The following STRBP variants were observed in gnomAD, a reference collection of about 807,000 sequenced individuals.
STRBP encodes spermatid perinuclear RNA binding protein, also known as spermatid perinuclear RNA-binding protein.
A neutral mutation model predicts 80.1 loss-of-function variants in STRBP; 13 were observed. The ratio of observed to expected loss-of-function variants is 0.16; its 90% CI spans 0.11 to 0.26. The LOEUF (loss-of-function observed/expected upper bound fraction) is 0.26, where lower values mean the gene tolerates loss of function less well. STRBP is among the 10% of genes least tolerant of loss of function. STRBP has a pLI of 1.00. For missense variants in STRBP, 485 were observed against 815.2 expected (o/e 0.59, Z 4.93); for synonymous variants, 284 against 291.2 (o/e 0.98, Z 0.25).
chr9:123,252,832 T>C (rs1466520018), intron 1 of STRBP, among the ~76,000 whole-genome samples: 2 of 152,202 alleles, frequency 1.3e-5, no homozygotes, highest in Admixed American at 6.5e-5. Flanking sequence ...TTTAACATAT[T>C]ACCCCAGGGC....
At chr9:123,267,230 G>A (rs892471983) in intron 1 of STRBP, among the ~76,000 whole-genome samples, 1 of 134,444 alleles carries the variant, frequency 7.4e-6, no homozygotes, top group Non-Finnish European at 1.6e-5. Flanking sequence ...CTCACCCTCC[G>A]TCCTACCTCA....
At position 123,256,102 on chromosome 9, in the gene STRBP, C is replaced by T. The variant is rs568063302; in HGVS notation, c.-302+12334G>A. Among the ~76,000 whole-genome samples, 35 of 139,894 alleles carry T rather than the reference C, an allele frequency of 2.5e-4. 1 individual carries two copies. In the South Asian group the frequency reaches 7.8e-3, roughly 31 times the overall value. 91.8% of individuals were successfully genotyped at this position (139,894 alleles called of 152,430 possible). ...GCAGTGGCATGATCATAGCTCACTACGGCTTTAACCTCTTGGGTTCAAGCA... is the reference window on the plus strand; with the variant it reads ...GCAGTGGCATGATCATAGCTCACTATGGCTTTAACCTCTTGGGTTCAAGCA... On this transcript the variant is annotated intron_variant, in intron 1 of 18. Coordinates refer to ENST00000348403, the MANE Select transcript of STRBP (RefSeq NM_018387.5).
intron 1 of STRBP, among the ~76,000 whole-genome samples, chr9:123,258,536 G>T (rs577301058): frequency 6.6e-6 from 1 of 152,216 alleles, no homozygotes; most frequent in Non-Finnish European, 1.5e-5. Context: ...AGGCGTGGTG[G>T]CTCACGCCTG....
chr9:123,189,088 A>T (rs909217215), intron 2 of STRBP, among the ~76,000 whole-genome samples: 1 of 152,212 alleles, frequency 6.6e-6, no homozygotes, highest in African/African-American at 2.4e-5. Context: ...GACTGGATTA[A>T]GAAAATGTGG....
rs1171693628 is a variant in STRBP, at chr9:123,123,044, T to A, written c.*2553A>T. ...CAGAGTGGAGTGTCTGAAAGCTGGA[T>A]AGCCTCAGGGTGTCACATTGCTCTT... On this transcript the variant is annotated 3_prime_UTR_variant, in exon 19 of 19. Transcript: ENST00000348403. 1.2e-5 allele frequency: 12 copies of A among 985,320 alleles called. No individual in the cohort carries two copies. Among genetic ancestry groups the A allele is most frequent in the Non-Finnish European group, 1.3e-5 (11 of 829,948 alleles). The allele number at this position is 985,320 out of a possible 1,614,324, so 61.0% of individuals were successfully genotyped here.
chr9:123,148,627 T>C (rs1188505735), intron 11 of STRBP, among the ~76,000 whole-genome samples: 1 of 152,248 alleles, frequency 6.6e-6, no homozygotes, highest in Non-Finnish European at 1.5e-5. Context: ...CGTTACATCT[T>C]ATACTTTTAG....
intron 11 of STRBP, among the ~76,000 whole-genome samples, chr9:123,157,126 G>C (rs1406140172): frequency 6.6e-6 from 1 of 152,138 alleles, no homozygotes; most frequent in Non-Finnish European, 1.5e-5. Context: ...TTGGAACCCA[G>C]GTCATACTGA....
At chr9:123,165,175 GGA>G (rs1305188801) in intron 6 of STRBP, among the ~76,000 whole-genome samples, 1 of 151,874 alleles carries the variant, frequency 6.6e-6, no homozygotes, top group Non-Finnish European at 1.5e-5. Context: ...CAGCTATTCA[GGA>G]GGCTGAGGCA....
At chr9:123,161,110 C>T (rs1480275452) in intron 6 of STRBP, 42 bp from the exon 7 acceptor site, 1 of 1,333,554 alleles carries the variant, frequency 7.5e-7, no homozygotes. Flanking sequence ...TACAATTTGA[C>T]CAAGCGATTC....
In STRBP at chr9:123,124,036, A is replaced by C; in HGVS notation, c.*1561T>G. 1.0e-6 allele frequency: 1 copy of C among 985,460 alleles called. No homozygotes were observed. Among genetic ancestry groups the C allele is most frequent in the Non-Finnish European group, 1.2e-6 (1 of 829,936 alleles). The allele number at this position is 985,460 out of a possible 1,614,324, so 61.0% of individuals were successfully genotyped here. ...TAAAGACAAAAGACCAAGGAGAAGA[A>C]ACAAACTAATCATTGTGTAATATAT... On this transcript the variant is annotated 3_prime_UTR_variant, in exon 19 of 19. Coordinates refer to ENST00000348403, the MANE Select transcript of STRBP (RefSeq NM_018387.5).
intron 11 of STRBP, among the ~76,000 whole-genome samples, chr9:123,151,024 AT>A (rs1284353212): frequency 1.3e-5 from 2 of 152,166 alleles, no homozygotes; most frequent in South Asian, 4.1e-4. Context: ...ATTATCTACA[AT>A]TTCTTATTTT....
chr9:123,209,104 T>C (rs564142203), intron 2 of STRBP, among the ~76,000 whole-genome samples: 15 of 152,160 alleles, frequency 9.9e-5, no homozygotes, highest in Non-Finnish European at 1.5e-4. Context: ...CTGAAAATCT[T>C]CCCACATATA....
intron 4 of STRBP, among the ~76,000 whole-genome samples, chr9:123,178,687 T>C (rs769179168): frequency 6.6e-6 from 1 of 152,190 alleles, no homozygotes. Context: ...TACTATTTAT[T>C]TGAAAATTTA....
chr9:123,119,010 T>C (rs1221147930), downstream of STRBP, among the ~76,000 whole-genome samples: 1 of 152,176 alleles, frequency 6.6e-6, no homozygotes, highest in East Asian at 1.9e-4. Context: ...GAAAGACGAA[T>C]AGATGGGCAG....
At chr9:123,243,564 A>G (rs1036716970) in intron 1 of STRBP, among the ~76,000 whole-genome samples, 2 of 152,256 alleles carry the variant, frequency 1.3e-5, no homozygotes, top group South Asian at 4.1e-4. Context: ...CAAACCACAT[A>G]CCCAATAAAG....
intron 17 of STRBP, 41 bp downstream of exon 17, chr9:123,132,804 G>A (rs1228761629): frequency 1.2e-6 from 2 of 1,605,916 alleles, no homozygotes; most frequent in Middle Eastern, 1.7e-4. Flanking sequence ...TTGAATTTCG[G>A]CCCAGTAAAG....
chr9:123,128,185 A>C (rs1255659248), intron 18 of STRBP, 29 bp downstream of exon 18: 24 of 1,613,732 alleles, frequency 1.5e-5, no homozygotes, highest in Non-Finnish European at 2.0e-5. Context: ...AGTCGCTAAG[A>C]GGAGATATCA....
intron 3 of STRBP, among the ~76,000 whole-genome samples, chr9:123,179,462 C>T (rs2038361730): frequency 6.6e-6 from 1 of 152,108 alleles, no homozygotes; most frequent in Admixed American, 6.5e-5. Flanking sequence ...ACTTCAGTCA[C>T]TCTTGGCATT....
chr9:123,153,380 G>A (rs1190693454), intron 11 of STRBP, among the ~76,000 whole-genome samples: 5 of 152,038 alleles, frequency 3.3e-5, no homozygotes, highest in African/African-American at 4.8e-5. Flanking sequence ...CAGTAGAGAC[G>A]GGGTTTCGCC....
Sources: allele counts gnomAD v4.1 joint callset (sites outside exome capture counted in the v4.1 genomes callset), GRCh38; gene constraint gnomAD v4.1.1; transcripts MANE v1.5; gene names NCBI Gene and HGNC (gene_info 2026-07-23, HGNC 2026-07-21).